SANBR: variants seen among roughly 807,000 people sequenced by gnomAD.
SANBR encodes the protein SANT and BTB domain regulator of CSR.
In SANBR, 77 loss-of-function variants were observed where a neutral mutation model predicts 101.8. The observed-to-expected ratio is 0.76, with a 90% CI of 0.63 to 0.91. The LOEUF is 0.91. SANBR is among the 40% of genes least tolerant of loss of function. The pLI, the probability that SANBR is intolerant of heterozygous loss-of-function variation, is 0.00. For missense variants in SANBR, 875 were observed against 853.0 expected (o/e 1.03, Z -0.32); for synonymous variants, 279 against 274.7 (o/e 1.02, Z -0.15).
chr2:61,121,830 C>T (rs1355041818), intron 21 of SANBR, among the ~76,000 whole-genome samples: 1 of 152,170 alleles, frequency 6.6e-6, no homozygotes, highest in Non-Finnish European at 1.5e-5. Context: ...GCAATTCAAA[C>T]TTGCACTGAG....
intron 6 of SANBR, among the ~76,000 whole-genome samples, chr2:61,080,214 A>G (rs866088118): frequency 3.3e-5 from 5 of 150,454 alleles, no homozygotes; most frequent in Middle Eastern, 3.4e-3. Flanking sequence ...AAAAAAAAAA[A>G]GCAGCAAAGC....
intron 20 of SANBR, among the ~76,000 whole-genome samples, chr2:61,133,055 C>G (rs1467309336): frequency 6.6e-6 from 1 of 152,084 alleles, no homozygotes; most frequent in Non-Finnish European, 1.5e-5. Context: ...AGGTCAAGAC[C>G]AGCCTGGTCA....
intron 11 of SANBR, among the ~76,000 whole-genome samples, chr2:61,095,892 A>G (rs761576597): frequency 6.6e-6 from 1 of 152,022 alleles, no homozygotes; most frequent in Admixed American, 6.6e-5. Flanking sequence ...CCTTTCCCCA[A>G]CAGCTATTAA....
intron 20 of SANBR, among the ~76,000 whole-genome samples, chr2:61,119,620 G>A (rs1251297465): frequency 6.6e-6 from 1 of 152,112 alleles, no homozygotes; most frequent in African/African-American, 2.4e-5. Context: ...ATCATTAGAT[G>A]TGCTAAGATA....
At position 61,088,442 on chromosome 2, in the gene SANBR, T is replaced by G; in HGVS notation, c.1062T>G (p.Arg354=). Residue 354 remains arginine (R), a synonymous_variant, in exon 10 of 22, where the codon CGT becomes CGG. Transcript: ENST00000402291. ...CIPGKINVDR[R]GNIVYIHIRD... ...CTGGAAAAATCAATGTGGATCGACG[T>G]GGAAATATTGTCTATATTCACATAA... 6.2e-7 allele frequency: 1 copy of G among 1,607,532 alleles called. No individual in the cohort carries two copies. Among genetic ancestry groups the G allele is most frequent in the Non-Finnish European group, 8.5e-7 (1 of 1,176,564 alleles).
chr2:61,080,256 G>C (rs1559084546), intron 6 of SANBR, among the ~76,000 whole-genome samples: 1 of 149,526 alleles, frequency 6.7e-6, no homozygotes. Context: ...CCTTAAATCA[G>C]TGTTTATAAA....
At chr2:61,114,711 G>A (rs1248778800) in intron 16 of SANBR, among the ~76,000 whole-genome samples, 2 of 152,106 alleles carry the variant, frequency 1.3e-5, no homozygotes, top group African/African-American at 2.4e-5. Context: ...CTTCAATGCC[G>A]TGTCGTGATC....
chr2:61,111,325 G>A (rs555259156), intron 16 of SANBR, among the ~76,000 whole-genome samples: 17 of 152,270 alleles, frequency 1.1e-4, no homozygotes, highest in South Asian at 2.1e-4. Flanking sequence ...CCTGGGAGGC[G>A]GAGCTTGCAG....
chr2:61,112,683 G>A (rs566917663), intron 16 of SANBR, among the ~76,000 whole-genome samples: 1 of 152,158 alleles, frequency 6.6e-6, no homozygotes, highest in Non-Finnish European at 1.5e-5. Flanking sequence ...TAGTAGAGAT[G>A]GGGTTTTGCC....
intron 3 of SANBR, 133 bp downstream of exon 3, chr2:61,070,633 C>G (rs1573580810): frequency 2.0e-5 from 11 of 557,572 alleles, no homozygotes; most frequent in African/African-American, 6.6e-5. Flanking sequence ...GAATAGACAT[C>G]TATATAATTT....
At chr2:61,080,103 A>C (rs537528563) in intron 6 of SANBR, among the ~76,000 whole-genome samples, 2 of 150,094 alleles carry the variant, frequency 1.3e-5, no homozygotes, top group Non-Finnish European at 3.0e-5. Context: ...AGGCTGAGGC[A>C]GGAGAATCGC....
Position 61,083,248 on chromosome 2 carries a change from G to T in SANBR, c.824G>T (p.Arg275Leu). 1 of 1,609,810 alleles carries T rather than the reference G, an allele frequency of 6.2e-7. No individual in the cohort carries two copies. The change falls in exon 8 of 22, where the codon CGT becomes CTT. Residue 275 changes from arginine to leucine, a missense_variant. Transcript: ENST00000402291. Reference sequence around the variant, plus strand: ...TGTATTAATGCAAATCTTCTCACACGTATAGCTGATCTGTTCTCACACAAT... The same window carrying T: ...TGTATTAATGCAAATCTTCTCACACTTATAGCTGATCTGTTCTCACACAAT... ...MNCINANLLTRIADLFSHNEV... is the reference protein window; with the variant it reads ...MNCINANLLTLIADLFSHNEV...
chr2:61,109,138 G>A, intron 15 of SANBR, 59 bp from the exon 16 acceptor site: 3 of 860,624 alleles, frequency 3.5e-6, no homozygotes, highest in Non-Finnish European at 5.1e-6. Context: ...AAATATGTTT[G>A]AAAGAATTCA....
chr2:61,092,368 G>C (rs1325773768), intron 10 of SANBR, 96 bp from the exon 11 acceptor site: 1 of 940,604 alleles, frequency 1.1e-6, no homozygotes, highest in Non-Finnish European at 1.4e-6. Flanking sequence ...TGGGCAACAA[G>C]AGTGAAACTC....
At chr2:61,119,608 A>ATATC (rs1331880532) in intron 20 of SANBR, among the ~76,000 whole-genome samples, 1 of 152,218 alleles carries the variant, frequency 6.6e-6, no homozygotes, top group African/African-American at 2.4e-5. Flanking sequence ...AGATAAGCAT[A>ATATC]TATCATTAGA....
intron 8 of SANBR, among the ~76,000 whole-genome samples, chr2:61,083,806 T>C (rs1682274537): frequency 6.6e-6 from 1 of 151,522 alleles, no homozygotes; most frequent in Admixed American, 6.6e-5. Flanking sequence ...GAGGCGGAGC[T>C]TGCAGTGAGC....
At chr2:61,084,475 G>A (rs554663912) in intron 8 of SANBR, among the ~76,000 whole-genome samples, 45 of 152,120 alleles carry the variant, frequency 3.0e-4, no homozygotes, top group African/African-American at 1.0e-3. Flanking sequence ...TTGAGGCCAG[G>A]TGTTGAAAGC....
Position 61,116,082 on chromosome 2 carries a change from TTA to T in SANBR, c.1836+14_1836+15del, listed in dbSNP as rs1434474145. On this transcript the variant is annotated intron_variant, in intron 17 of 21. Transcript: ENST00000402291. ...AGGCATTGGAGAAGGTAACTCTGAA[TTA>T]TCTGTTGTTAAAGTTCATATGGAAA... 1.9e-6 allele frequency: 3 copies of T among 1,539,736 alleles called. No individual in the cohort carries two copies. Among genetic ancestry groups the T allele is most frequent in the Non-Finnish European group, 2.7e-6 (3 of 1,125,620 alleles).
At chr2:61,066,411 C>G (rs905121603) in intron 1 of SANBR, 2 of 152,586 alleles carry the variant, frequency 1.3e-5, no homozygotes, top group Non-Finnish European at 2.9e-5. Context: ...GCGCGAAGGT[C>G]TGGGGGTGCC....
Sources: gnomAD v4.1 joint callset for allele counts (sites outside exome capture counted in the v4.1 genomes callset) on GRCh38, gnomAD v4.1.1 for gene constraint, MANE v1.5 for transcripts, NCBI Gene and HGNC (gene_info 2026-07-23, HGNC 2026-07-21) for gene names.